Variants in PPFIBP2 observed in about 807,000 individuals in gnomAD.
PPFIBP2 encodes the protein liprin-beta-2.
PPFIBP2 carries 118 observed loss-of-function variants against 118.3 expected under a neutral mutation model. The ratio of observed to expected loss-of-function variants is 1.00; its 90% CI spans 0.86 to 1.16. The LOEUF (loss-of-function observed/expected upper bound fraction) is 1.16, where lower values mean the gene tolerates loss of function less well. PPFIBP2 is among the 50% of genes most tolerant of loss of function. PPFIBP2 has a pLI of 0.00. For synonymous variants in PPFIBP2, 414 were observed against 397.4 expected, an observed-to-expected ratio of 1.04 and a Z score of -0.50; for missense variants, 1,195 against 1,073.1, an observed-to-expected ratio of 1.11 and a Z score of -1.59.
chr11:7,520,914 C>G (rs1410984411), intron 1 of PPFIBP2, among the ~76,000 whole-genome samples: 3 of 152,154 alleles, frequency 2.0e-5, no homozygotes, highest in Admixed American at 2.0e-4. Flanking sequence ...CCCTTAAAGC[C>G]AAGTCTTGTT....
chr11:7,588,959 T>C (rs1424288577), intron 3 of PPFIBP2, among the ~76,000 whole-genome samples: 2 of 152,232 alleles, frequency 1.3e-5, no homozygotes, highest in African/African-American at 4.8e-5. Flanking sequence ...ACAGATCACA[T>C]GGTTCTCACT....
At chr11:7,609,355 C>G (rs1393764214) in intron 5 of PPFIBP2, among the ~76,000 whole-genome samples, 1 of 152,196 alleles carries the variant, frequency 6.6e-6, no homozygotes, top group East Asian at 1.9e-4. Context: ...GTCTATTCTC[C>G]TTGCCACAAC....
intron 1 of PPFIBP2, among the ~76,000 whole-genome samples, chr11:7,535,351 C>A (rs898471262): frequency 6.6e-6 from 1 of 152,150 alleles, no homozygotes; most frequent in Non-Finnish European, 1.5e-5. Flanking sequence ...GGCACAGTGG[C>A]ATAAGGATGC....
At chr11:7,573,962 A>T (rs1457235634) in intron 3 of PPFIBP2, 1 of 152,070 alleles carries the variant, frequency 6.6e-6, no homozygotes, top group Non-Finnish European at 1.5e-5. Context: ...CAGGAGTAAC[A>T]CCTCAGGGGG....
Position 7,597,406 on chromosome 11 carries a change from G to T in PPFIBP2, c.373-154G>T, listed in dbSNP as rs1363670829. The T allele has an allele frequency of 3.9e-6, 6 of 1,539,078 alleles. No individual in the cohort carries two copies. The Admixed American group carries it at 1.2e-4, about 30-fold the overall frequency. Reference sequence around the variant, plus strand: ...TCTAACTGCAGCTGCCTTCGTTCAGGACACTTCCTCCACCTGCCACTCAGC... The same window carrying T: ...TCTAACTGCAGCTGCCTTCGTTCAGTACACTTCCTCCACCTGCCACTCAGC... On this transcript the variant is annotated intron_variant, in intron 4 of 23. Transcript: ENST00000299492.
At position 7,559,120 on chromosome 11, in the gene PPFIBP2, A is replaced by C. The variant is rs192915797; in HGVS notation, c.65-6433A>C. 4.3e-3 allele frequency among the ~76,000 whole-genome samples: 659 copies of C among 152,284 alleles called. 7 individuals are homozygous for C. The highest frequency in any genetic ancestry group is 6.8e-3 in the Middle Eastern group (2 of 294). On this transcript the variant is annotated intron_variant, in intron 2 of 23. Transcript: ENST00000299492. ...AGTTGAAAATATTTGTGCTACTCTA[A>C]ATACTGCTTTGTTGCTCAAAATGAA...
chr11:7,610,975 C>T (rs1848002927), intron 6 of PPFIBP2, among the ~76,000 whole-genome samples: 1 of 152,152 alleles, frequency 6.6e-6, no homozygotes, highest in South Asian at 2.1e-4. Flanking sequence ...TGGAACATGC[C>T]AGACTCTTTT....
chr11:7,592,703 A>G lies in PPFIBP2; in HGVS notation c.280-429A>G, dbSNP rs370175578. On this transcript the variant is annotated intron_variant, in intron 3 of 23. Transcript: ENST00000299492. ...GACCCTGGCATGAGAATTAGGAGAT[A>G]CCAAGATCTGTGCAGAAGCTGTTCC... Among the ~76,000 whole-genome samples the G allele has an allele frequency of 1.7e-4, 26 of 152,304 alleles. No individual in the cohort carries two copies. In the South Asian group the frequency reaches 5.2e-3, roughly 30 times the overall value.
At chr11:7,528,261 A>G (rs1850393132) in intron 1 of PPFIBP2, among the ~76,000 whole-genome samples, 1 of 152,200 alleles carries the variant, frequency 6.6e-6, no homozygotes. Flanking sequence ...CACAAAGCAT[A>G]TCTGAGTTCT....
At chr11:7,544,320 T>G (rs1295288420) in intron 1 of PPFIBP2, among the ~76,000 whole-genome samples, 1 of 152,196 alleles carries the variant, frequency 6.6e-6, no homozygotes, top group African/African-American at 2.4e-5. Flanking sequence ...GTCTCTGTAT[T>G]GTGTGTGCTA....
intron 3 of PPFIBP2, among the ~76,000 whole-genome samples, chr11:7,567,897 A>G (rs1469427218): frequency 1.3e-5 from 2 of 152,210 alleles, no homozygotes; most frequent in Admixed American, 6.5e-5. Flanking sequence ...TCGTAAGCAC[A>G]TTAAAGTTTA....
At chr11:7,635,414 T>G in intron 13 of PPFIBP2, 138 bp from the exon 14 acceptor site, 1 of 791,588 alleles carries the variant, frequency 1.3e-6, no homozygotes, top group Non-Finnish European at 2.1e-6. Flanking sequence ...TGGATGGTGA[T>G]TACTTGACAT....
At chr11:7,648,713 C>CA (rs898631821) in intron 18 of PPFIBP2, 87 bp from the exon 19 acceptor site, 2 of 1,449,250 alleles carry the variant, frequency 1.4e-6, no homozygotes, top group Admixed American at 3.4e-5. Flanking sequence ...CTGCCATACT[C>CA]AGAGCATCTC....
At chr11:7,566,804 A>G (rs1855042758) in intron 3 of PPFIBP2, among the ~76,000 whole-genome samples, 1 of 152,202 alleles carries the variant, frequency 6.6e-6, no homozygotes, top group Non-Finnish European at 1.5e-5. Flanking sequence ...CAGTCAGGGT[A>G]TTTAGGGTAT....
At chr11:7,605,634 G>A in intron 5 of PPFIBP2, 1 of 1,032,466 alleles carries the variant, frequency 9.7e-7, no homozygotes, top group Non-Finnish European at 1.2e-6. Flanking sequence ...GAATACAATT[G>A]GAATGACTCA....
the PPFIBP2 span, chr11:7,665,882 T>G: frequency 6.5e-7 from 1 of 1,535,798 alleles, no homozygotes; most frequent in South Asian, 1.2e-5. Context: ...TGTGGCCTGG[T>G]GTTAGTGGAA....
intron 3 of PPFIBP2, among the ~76,000 whole-genome samples, chr11:7,578,156 G>T (rs1856731726): frequency 6.6e-6 from 1 of 152,226 alleles, no homozygotes; most frequent in Admixed American, 6.5e-5. Flanking sequence ...GAGGGTTTAT[G>T]TTGCAAGTTG....
chr11:7,644,798 C>T (rs932454074), intron 17 of PPFIBP2, among the ~76,000 whole-genome samples: 6 of 151,796 alleles, frequency 4.0e-5, no homozygotes, highest in South Asian at 2.1e-4. Flanking sequence ...GAGGCCGAGG[C>T]GGGCGGATCA....
intron 3 of PPFIBP2, chr11:7,569,099 G>C (rs1338576168): frequency 2.0e-5 from 3 of 152,240 alleles, no homozygotes; most frequent in African/African-American, 4.8e-5. Flanking sequence ...GTGGTCCATA[G>C]TTAGAATAGG....
Sources: allele counts gnomAD v4.1 joint callset (sites outside exome capture counted in the v4.1 genomes callset), GRCh38; gene constraint gnomAD v4.1.1; transcripts MANE v1.5; gene names NCBI Gene and HGNC (gene_info 2026-07-23, HGNC 2026-07-21).